The following INF2 variants were observed in gnomAD, a reference collection of about 807,000 sequenced individuals.
INF2 encodes inverted formin 2, also known as inverted formin-2.
INF2 carries 43 observed loss-of-function variants against 123.5 expected under a neutral mutation model. The observed-to-expected ratio is 0.35, with a 90% CI of 0.27 to 0.45. INF2 has a LOEUF of 0.45. Among genes scored for constraint, INF2 ranks in the 20% least tolerant of loss-of-function variants. INF2 has a pLI of 1.00. For missense variants in INF2, 1,453 were observed against 1,682.7 expected, an observed-to-expected ratio of 0.86 and a Z score of 2.39; for synonymous variants, 851 against 745.0, an observed-to-expected ratio of 1.14 and a Z score of -2.32.
chr14:104,696,132 G>A (rs557720510), intron 1 of INF2, among the ~76,000 whole-genome samples: 6 of 152,346 alleles, frequency 3.9e-5, no homozygotes, highest in African/African-American at 1.2e-4. Context: ...TGATGCTGCT[G>A]AGAGCGCCTT....
Position 104,713,299 on chromosome 14 carries a change from C to T in INF2, c.2868C>T (p.Asp956=), listed in dbSNP as rs748088770. 13 of 1,550,480 alleles carry T rather than the reference C, an allele frequency of 8.4e-6. No homozygotes were observed. The highest frequency in any genetic ancestry group is 1.4e-5 in the African/African-American group (1 of 73,042). ...EEEARRPRGE[D]GKPVRKGPGK... ...AGGCGCGGCGGCCTCGGGGAGAGGACGGGAAGCCTGGTGAGGCTGGGCCGG... is the reference window on the plus strand; with the variant it reads ...AGGCGCGGCGGCCTCGGGGAGAGGATGGGAAGCCTGGTGAGGCTGGGCCGG... The change falls in exon 19 of 23, where the codon GAC becomes GAT. Residue 956 remains aspartate, a synonymous_variant. Coordinates refer to ENST00000392634, the MANE Select transcript of INF2 (RefSeq NM_022489.4).
At chr14:104,716,238 G>T (rs897474375) in intron 22 of INF2, among the ~76,000 whole-genome samples, 1 of 152,238 alleles carries the variant, frequency 6.6e-6, no homozygotes, top group Non-Finnish European at 1.5e-5. Flanking sequence ...TGGGGCTTAG[G>T]CTCAAGGTGC....
intron 16 of INF2, among the ~76,000 whole-genome samples, chr14:104,711,989 CACGACAGCCG>C (rs1388381997): frequency 6.6e-6 from 1 of 152,204 alleles, no homozygotes; most frequent in Admixed American, 6.5e-5. Context: ...GGTGGACCTT[CACGACAGCCG>C]TGAGCAGGCT....
At chr14:104,702,121 T>G (rs1889546617) in intron 2 of INF2, among the ~76,000 whole-genome samples, 1 of 152,228 alleles carries the variant, frequency 6.6e-6, no homozygotes, top group Admixed American at 6.5e-5. Context: ...GAGATGCGAA[T>G]CCACCCGAGT....
intron 21 of INF2, 57 bp from the exon 22 acceptor site, chr14:104,715,227 G>A (rs1355222452): frequency 6.4e-7 from 1 of 1,564,798 alleles, no homozygotes; most frequent in Non-Finnish European, 8.8e-7. Context: ...CCCACTCCGA[G>A]TCAGGGTTGC....
intron 4 of INF2, 40 bp from the exon 5 acceptor site, chr14:104,703,876 G>A: frequency 6.2e-7 from 1 of 1,610,408 alleles, no homozygotes; most frequent in Non-Finnish European, 8.5e-7. Flanking sequence ...AAGGCGGGGA[G>A]TGGCCTCCGA....
intron 20 of INF2, 58 bp from the exon 21 acceptor site, chr14:104,714,145 A>C (rs963631457): frequency 2.9e-6 from 4 of 1,402,500 alleles, no homozygotes; most frequent in Admixed American, 2.7e-5. Context: ...AGGAGGCTGC[A>C]CCTGGGCTGG....
intron 1 of INF2, among the ~76,000 whole-genome samples, chr14:104,694,674 G>A (rs1164452156): frequency 4.6e-5 from 7 of 152,158 alleles, no homozygotes; most frequent in Admixed American, 2.6e-4. Flanking sequence ...AATCAGAGCC[G>A]TCCCCCACCC....
chr14:104,715,962 T>C (rs778770767), intron 22 of INF2: 2 of 455,860 alleles, frequency 4.4e-6, no homozygotes, highest in East Asian at 6.9e-5. Context: ...AGAAGCAGAT[T>C]ACCCCCCGCA....
chr14:104,708,357 G>A lies in INF2; in HGVS notation c.1736-79G>A, dbSNP rs527853218. 5.8e-4 allele frequency: 914 copies of A among 1,563,404 alleles called. 1 individual carries two copies. Among genetic ancestry groups the A allele is most frequent in the Non-Finnish European group, 7.6e-4 (874 of 1,148,356 alleles). ...GGCAGGACATCCTTTAGACCCTCTG[G>A]GAGGCTCCAGCCCCTGCCTGCTGGA... On this transcript the variant is annotated intron_variant, in intron 8 of 22. Coordinates refer to ENST00000392634, the MANE Select transcript of INF2 (RefSeq NM_022489.4).
intron 1 of INF2, 38 bp from the exon 2 acceptor site, chr14:104,701,319 C>T: frequency 1.3e-6 from 2 of 1,539,092 alleles, no homozygotes; most frequent in Non-Finnish European, 1.8e-6. Context: ...CAGCCCCCAT[C>T]CCCTCCCCGC....
Position 104,700,571 on chromosome 14 carries a change from G to A in INF2, c.-9-786G>A, listed in dbSNP as rs538164662. Among the ~76,000 whole-genome samples the A allele has an allele frequency of 2.1e-4, 32 of 152,316 alleles. No individual in the cohort carries two copies. The South Asian group carries it at 6.6e-3, about 32-fold the overall frequency. ...GGCTGGGGGGATGTGGTGGCGTGGA[G>A]CTGATGTCAGAGGTGCAACCCGCCT... On this transcript the variant is annotated intron_variant, in intron 1 of 22. Coordinates refer to ENST00000392634, the MANE Select transcript of INF2 (RefSeq NM_022489.4).
rs1443207001 is a variant in INF2 at position 104,722,367 on chromosome 14, A to G, written c.*3574A>G. ...ATGTCCCCCAGTCCCCCAAGCCTCT[A>G]TCTGACATCTGCTAGCCCAGAGCCC... On this transcript the variant is annotated 3_prime_UTR_variant, in exon 23 of 23. Coordinates refer to ENST00000392634, the MANE Select transcript of INF2 (RefSeq NM_022489.4). 2 of 152,272 alleles carry G rather than the reference A, an allele frequency of 1.3e-5. No homozygotes were observed. The highest frequency in any genetic ancestry group is 2.4e-5 in the African/African-American group (1 of 41,424). The allele number at this position is 152,272 out of a possible 1,614,324, so 9.4% of individuals were successfully genotyped here. A position where few individuals can be genotyped will look rare whatever the true frequency, so the allele number is the denominator to read the frequency against.
chr14:104,697,927 C>A (rs927491642), intron 1 of INF2, among the ~76,000 whole-genome samples: 1 of 152,214 alleles, frequency 6.6e-6, no homozygotes, highest in Non-Finnish European at 1.5e-5. Flanking sequence ...GTGCCCTGAC[C>A]CTTTTGCTGT....
chr14:104,683,944 T>C (rs1595145348), intron 1 of INF2: 3 of 427,576 alleles, frequency 7.0e-6, no homozygotes, highest in African/African-American at 2.0e-5. Context: ...TGCGGGTGGG[T>C]CTCAGGCACT....
chr14:104,703,356 A>G lies in INF2; in HGVS notation c.569A>G (p.Asn190Ser). 1 of 1,613,034 alleles carries G rather than the reference A, an allele frequency of 6.2e-7. No individual in the cohort carries two copies. Among genetic ancestry groups the G allele is most frequent in the Non-Finnish European group, 8.5e-7 (1 of 1,179,916 alleles). ...ATGAACGAGCTCTCCGGCAGCGACA[A>G]CGTGCCCTACGTGGTCACCCTGCTT... ...IVMNELSGSD[N>S]VPYVVTLLSV... Residue 190 changes from asparagine (N) to serine (S), a missense_variant, in exon 4 of 23, where the codon AAC becomes AGC. This residue lies in a region of INF2 where 251 missense variants were observed against 349.4 expected (regional missense o/e 0.72). Coordinates refer to ENST00000392634, the MANE Select transcript of INF2 (RefSeq NM_022489.4).
At position 104,701,593 on chromosome 14, in the gene INF2, G is replaced by A; in HGVS notation, c.228G>A (p.Leu76=). The change falls in exon 2 of 23, where the codon CTG becomes CTA. Residue 76 remains leucine, a synonymous_variant. Transcript: ENST00000392634. ...VQFLEQSGLD[L]LLEALARLSG... ...TCCTGGAGCAGAGCGGCCTGGACCT[G>A]CTGCTGGAGGCGCTGGCGCGGCTGT... 1 of 1,607,074 alleles carries A rather than the reference G, an allele frequency of 6.2e-7. No homozygotes were observed. Among genetic ancestry groups the A allele is most frequent in the Non-Finnish European group, 8.5e-7 (1 of 1,178,672 alleles).
At chr14:104,692,966 G>T (rs553700490) in intron 1 of INF2, among the ~76,000 whole-genome samples, 3 of 152,232 alleles carry the variant, frequency 2.0e-5, no homozygotes, top group Non-Finnish European at 1.5e-5. Context: ...ACCCCAGAAG[G>T]GTGACTGGCC....
intron 16 of INF2, among the ~76,000 whole-genome samples, chr14:104,712,145 C>T (rs1890080353): frequency 6.6e-6 from 1 of 152,140 alleles, no homozygotes; most frequent in Non-Finnish European, 1.5e-5. Context: ...CGGAGTTCTT[C>T]CCGGGCTCCA....
Sources: gnomAD v4.1 joint callset for allele counts (sites outside exome capture counted in the v4.1 genomes callset) on GRCh38, gnomAD v4.1.1 for gene constraint, gnomAD v4.1.1 regional missense constraint, MANE v1.5 for transcripts, NCBI Gene and HGNC (gene_info 2026-07-23, HGNC 2026-07-21) for gene names.